HEATR5A: variants seen among roughly 807,000 people sequenced by gnomAD.
HEATR5A encodes HEAT repeat containing 5A.
Under a neutral mutation model 218.8 loss-of-function variants are expected in HEATR5A, and 178 were observed. The observed-to-expected ratio is 0.81, with a 90% CI of 0.72 to 0.92. The LOEUF (loss-of-function observed/expected upper bound fraction) is 0.92, where lower values mean the gene tolerates loss of function less well. HEATR5A is among the 40% of genes least tolerant of loss of function. The probability of loss-of-function intolerance (pLI) is 0.00; values close to 1 mark genes in which losing one functional copy is unlikely to be tolerated. For synonymous variants in HEATR5A, 864 were observed against 871.6 expected (o/e 0.99, Z 0.15); for missense variants, 2,420 against 2,418.9 (o/e 1.00, Z -0.01).
chr14:31,303,316 C>T (rs1473744274), intron 32 of HEATR5A, among the ~76,000 whole-genome samples: 2 of 152,048 alleles, frequency 1.3e-5, no homozygotes, highest in Non-Finnish European at 2.9e-5. Context: ...GCCTGTAGTC[C>T]CAGATACTCG....
At chr14:31,315,102 G>A (rs910633456) in intron 27 of HEATR5A, among the ~76,000 whole-genome samples, 1 of 152,164 alleles carries the variant, frequency 6.6e-6, no homozygotes, top group Non-Finnish European at 1.5e-5. Context: ...GAAACTGGGA[G>A]GTGGAGGCTG....
chr14:31,337,478 G>A lies in HEATR5A; in HGVS notation c.3365C>T (p.Pro1122Leu). 1 of 1,549,104 alleles carries A rather than the reference G, an allele frequency of 6.5e-7. No homozygotes were observed. Among genetic ancestry groups the A allele is most frequent in the South Asian group, 1.2e-5 (1 of 83,672 alleles). ...ATAATCTTGATCAAGAGAATTACCTGGAGTCAACTCTTCTCTGCTATCCTT... is the reference window on the plus strand; with the variant it reads ...ATAATCTTGATCAAGAGAATTACCTAGAGTCAACTCTTCTCTGCTATCCTT... ...LAKDSREELT[P>L]DANIREVGLE... Residue 1122 changes from proline to leucine, a missense_variant and splice_region_variant, in exon 22 of 36, where the codon CCA becomes CTA. Physicochemically the swap from Pro to Leu is moderately conservative, Grantham distance 98 (BLOSUM62 -3). Coordinates refer to ENST00000543095, the MANE Select transcript of HEATR5A (RefSeq NM_015473.4).
At chr14:31,355,356 T>C (rs747125370) in intron 16 of HEATR5A, among the ~76,000 whole-genome samples, 6 of 151,792 alleles carry the variant, frequency 4.0e-5, no homozygotes, top group African/African-American at 4.8e-5. Context: ...GAGGTTGCAG[T>C]GAGCCGAGAT....
At chr14:31,367,538 T>G (rs1191615538) in intron 13 of HEATR5A, among the ~76,000 whole-genome samples, 1 of 149,634 alleles carries the variant, frequency 6.7e-6, no homozygotes, top group Non-Finnish European at 1.5e-5. Context: ...TAGCTGGGAT[T>G]ACAGCCATGT....
rs143800723 is a variant in HEATR5A, at chr14:31,352,778, T to C, written c.2412-2061A>G. Reference sequence around the variant, plus strand: ...TTTGAGACCAGCCTGGACAACATGGTGAAACTCCATCTCTATTAAAAATAT... The same window carrying C: ...TTTGAGACCAGCCTGGACAACATGGCGAAACTCCATCTCTATTAAAAATAT... On this transcript the variant is annotated intron_variant, in intron 16 of 35. Transcript: ENST00000543095. Among the ~76,000 whole-genome samples the C allele has an allele frequency of 9.8e-3, 1,493 of 152,092 alleles. 14 individuals carry two copies. Among genetic ancestry groups the C allele is most frequent in the Middle Eastern group, 0.024 (7 of 292 alleles).
At position 31,374,938 on chromosome 14, in the gene HEATR5A, C is replaced by T. The variant is rs557686804; in HGVS notation, c.1739G>A (p.Arg580Gln). ...GACACACTTCCACAACAGCAGAACT[C>T]GAGCAAGGTGATGGCTAACAACTGC... ...GPAVVSHHLA[R>Q]VLLLWKCVFP... The change falls in exon 12 of 36, where the codon CGA (arginine) becomes CAA (glutamine). Residue 580 changes from arginine to glutamine, a missense_variant. By Grantham distance (43) the Arg-to-Gln change is conservative. Coordinates refer to ENST00000543095, the MANE Select transcript of HEATR5A (RefSeq NM_015473.4). The T allele has an allele frequency of 1.7e-5, 27 of 1,611,220 alleles. No homozygotes were observed. The African/African-American group carries it at 1.7e-4, about 10-fold the overall frequency.
At chr14:31,393,513 C>A (rs2030532711) in intron 6 of HEATR5A, among the ~76,000 whole-genome samples, 2 of 152,078 alleles carry the variant, frequency 1.3e-5, no homozygotes, top group Non-Finnish European at 2.9e-5. Context: ...GTCACACACA[C>A]AAAAAAGCTG....
chr14:31,302,449 T>C lies in HEATR5A; in HGVS notation c.5310A>G (p.Leu1770=). Reference sequence around the variant, plus strand: ...CTGTCGAAGATAACTGGCCCCCAGGTAACTTCACAGCAGTCTCTCTGAGGA... The same window carrying C: ...CTGTCGAAGATAACTGGCCCCCAGGCAACTTCACAGCAGTCTCTCTGAGGA... ...IGVLRETAVK[L]PGGQLSSTVA... is the part of the protein sequence containing the mutation. The change falls in exon 33 of 36, where the codon TTA becomes TTG. Residue 1770 remains leucine (L), a synonymous_variant. Coordinates refer to ENST00000543095, the MANE Select transcript of HEATR5A (RefSeq NM_015473.4). 1 of 1,598,214 alleles carries C rather than the reference T, an allele frequency of 6.3e-7. No individual in the cohort carries two copies. Among genetic ancestry groups the C allele is most frequent in the Non-Finnish European group, 8.5e-7 (1 of 1,171,628 alleles).
Position 31,398,737 on chromosome 14 carries a change from C to T in HEATR5A, c.383G>A (p.Arg128Lys), listed in dbSNP as rs1012041691. The T allele has an allele frequency of 2.0e-6, 3 of 1,533,662 alleles. No individual in the cohort carries two copies. The highest frequency in any genetic ancestry group is 2.6e-6 in the Non-Finnish European group (3 of 1,144,570). The part of the protein sequence containing the change: ...CLGSLYKKLG[R>K]ILGNTFTDTV... The stretch of plus-strand genomic sequence containing the variant: ...ATCAGTAAAGGTGTTACCCAGTATT[C>T]TACCCAACTTCTTGTACAAGGAACC... The change falls in exon 4 of 36, where the codon AGA becomes AAA. Residue 128 changes from arginine to lysine, a missense_variant. Transcript: ENST00000543095.
At chr14:31,307,841 C>T in intron 30 of HEATR5A, 52 bp downstream of exon 30, 1 of 1,569,126 alleles carries the variant, frequency 6.4e-7, no homozygotes, top group South Asian at 1.2e-5. Context: ...GAACATGTTT[C>T]TCTTCCTTAA....
intron 1 of HEATR5A, among the ~76,000 whole-genome samples, chr14:31,408,098 G>C (rs373918465): frequency 6.6e-6 from 1 of 152,258 alleles, no homozygotes; most frequent in African/African-American, 2.4e-5. Context: ...AAAACTGTCT[G>C]TACTTTGTAC....
rs779477498 is a variant in HEATR5A, at chr14:31,386,504, G to A, written c.1261C>T (p.Leu421=). The A allele has an allele frequency of 1.2e-6, 2 of 1,612,024 alleles. No individual in the cohort carries two copies. The highest frequency in any genetic ancestry group is 1.7e-6 in the Non-Finnish European group (2 of 1,179,328). The change falls in exon 9 of 36, where the codon CTG becomes TTG. Residue 421 remains leucine, a synonymous_variant. Transcript: ENST00000543095. ...STDVAASQHM[L]VCALQELGNL... ...CCAAGTTCTTGTAAAGCACAAACCA[G>A]CATATGTTGGCTAGCGGCTACATCT...
intron 28 of HEATR5A, among the ~76,000 whole-genome samples, chr14:31,310,294 T>G (rs1166608887): frequency 6.6e-6 from 1 of 152,284 alleles, no homozygotes; most frequent in African/African-American, 2.4e-5. Flanking sequence ...CTCAGCCTCC[T>G]GAGTAGCTGA....
At chr14:31,357,013 T>C (rs1301018103) in intron 16 of HEATR5A, among the ~76,000 whole-genome samples, 2 of 152,164 alleles carry the variant, frequency 1.3e-5, no homozygotes, top group Non-Finnish European at 2.9e-5. Flanking sequence ...ATATGCTCTA[T>C]AAAAAGGCAG....
Position 31,312,889 on chromosome 14 carries a change from C to T in HEATR5A, c.4441+79G>A, listed in dbSNP as rs569655865. On this transcript the variant is annotated intron_variant, in intron 28 of 35. Transcript: ENST00000543095. Reference sequence around the variant, plus strand: ...CTCCAGCCTGGGAAACAAAGTAAGACCCTGTCAAAAACAAAAAAAAAGAAA... The same window carrying T: ...CTCCAGCCTGGGAAACAAAGTAAGATCCTGTCAAAAACAAAAAAAAAGAAA... 34 of 1,191,966 alleles carry T rather than the reference C, an allele frequency of 2.9e-5. No homozygotes were observed. The African/African-American group carries it at 4.7e-4, about 16-fold the overall frequency. The allele number at this position is 1,191,966 out of a possible 1,614,324, so 73.8% of individuals were successfully genotyped here.
intron 19 of HEATR5A, among the ~76,000 whole-genome samples, chr14:31,345,914 GCA>G (rs35067283): frequency 0.31 from 46,408 of 150,740 alleles, 7,722 homozygotes; most frequent in Non-Finnish European, 0.38. Flanking sequence ...ATGCACACAC[GCA>G]CACACACACA....
intron 6 of HEATR5A, among the ~76,000 whole-genome samples, chr14:31,391,680 G>GT (rs1236451840): frequency 6.6e-6 from 1 of 152,084 alleles, no homozygotes; most frequent in Non-Finnish European, 1.5e-5. Context: ...TTCCAGTCCT[G>GT]TAAGTTCCAG....
chr14:31,334,037 C>CAAAAAAAA (rs58087742), intron 22 of HEATR5A, among the ~76,000 whole-genome samples: 7 of 87,894 alleles, frequency 8.0e-5, no homozygotes, highest in Non-Finnish European at 1.5e-4. Context: ...GACCCTGTCT[C>CAAAAAAAA]AAAAAAAAAA....
intron 10 of HEATR5A, among the ~76,000 whole-genome samples, chr14:31,382,623 A>G (rs1019576752): frequency 6.6e-6 from 1 of 151,922 alleles, no homozygotes; most frequent in Non-Finnish European, 1.5e-5. Context: ...GTTCTCTTCA[A>G]AATTCTTTGT....
Sources: allele counts gnomAD v4.1 joint callset (sites outside exome capture counted in the v4.1 genomes callset), GRCh38; gene constraint gnomAD v4.1.1; transcripts MANE v1.5; gene names NCBI Gene and HGNC (gene_info 2026-07-23, HGNC 2026-07-21).